The following TLE4 variants were observed in gnomAD, a reference collection of about 807,000 sequenced individuals.
The protein encoded by TLE4 is transducin-like enhancer protein 4.
TLE4 carries 8 observed loss-of-function variants against 92.8 expected under a neutral mutation model. The observed-to-expected ratio is 0.09, with a 90% confidence interval of 0.05 to 0.16. The LOEUF (loss-of-function observed/expected upper bound fraction) is 0.16. Among genes scored for constraint, TLE4 ranks in the 10% least tolerant of loss-of-function variants. The pLI is 1.00. For synonymous variants in TLE4, 371 were observed against 374.1 expected, an observed-to-expected ratio of 0.99 and a Z score of 0.10; for missense variants, 675 against 997.6, an observed-to-expected ratio of 0.68 and a Z score of 4.36.
chr9:79,607,537 G>C (rs757823519), intron 4 of TLE4, among the ~76,000 whole-genome samples: 3 of 152,032 alleles, frequency 2.0e-5, no homozygotes, highest in Non-Finnish European at 4.4e-5. Context: ...TCCATCTTGA[G>C]TTAATTTTTA....
At chr9:79,661,091 T>C (rs1312049803) in intron 8 of TLE4, among the ~76,000 whole-genome samples, 7 of 152,230 alleles carry the variant, frequency 4.6e-5, no homozygotes, top group Non-Finnish European at 7.3e-5. Flanking sequence ...ATAACGTTTA[T>C]AGTTAACATT....
intron 8 of TLE4, among the ~76,000 whole-genome samples, chr9:79,670,074 G>A (rs2062024944): frequency 6.6e-6 from 1 of 152,062 alleles, no homozygotes; most frequent in Non-Finnish European, 1.5e-5. Context: ...TAAGTAGTTG[G>A]TAGTTCTTCC....
chr9:79,662,007 G>T (rs1454157936), intron 8 of TLE4, among the ~76,000 whole-genome samples: 1 of 152,076 alleles, frequency 6.6e-6, no homozygotes, highest in South Asian at 2.1e-4. Context: ...ATCCGCTCAC[G>T]TGCGGTCCAC....
chr9:79,680,930 T>C (rs2064414895), intron 8 of TLE4, among the ~76,000 whole-genome samples: 1 of 152,200 alleles, frequency 6.6e-6, no homozygotes, highest in Non-Finnish European at 1.5e-5. Context: ...GGATTACATT[T>C]ATTGATTTGC....
At chr9:79,680,904 G>A (rs1480117016) in intron 8 of TLE4, among the ~76,000 whole-genome samples, 1 of 152,090 alleles carries the variant, frequency 6.6e-6, no homozygotes, top group African/African-American at 2.4e-5. Context: ...TTTGTCTGTG[G>A]TTTTGTTTAT....
intron 4 of TLE4, chr9:79,576,595 GA>G (rs2037856260): frequency 6.5e-6 from 1 of 152,714 alleles, no homozygotes; most frequent in Non-Finnish European, 1.5e-5. Flanking sequence ...AGAATGGATA[GA>G]GGGTGAGCTG....
intron 4 of TLE4, among the ~76,000 whole-genome samples, chr9:79,591,819 G>A (rs2042592005): frequency 6.6e-6 from 1 of 152,182 alleles, no homozygotes; most frequent in Non-Finnish European, 1.5e-5. Context: ...TACTTTAGAA[G>A]GGGAGAACTT....
intron 14 of TLE4, among the ~76,000 whole-genome samples, chr9:79,713,851 TTTG>T (rs146268539): frequency 0.65 from 97,200 of 150,210 alleles, 31,735 homozygotes; most frequent in East Asian, 0.8. Flanking sequence ...ATTGTTGTTG[TTTG>T]TTGTTGTTGT....
intron 14 of TLE4, among the ~76,000 whole-genome samples, chr9:79,716,189 T>A (rs767686821): frequency 6.6e-6 from 1 of 152,196 alleles, no homozygotes; most frequent in African/African-American, 2.4e-5. Context: ...GTCCCTTCAC[T>A]CTTATATCCT....
intron 8 of TLE4, among the ~76,000 whole-genome samples, chr9:79,699,101 A>T (rs968661072): frequency 6.6e-6 from 1 of 152,162 alleles, no homozygotes; most frequent in Non-Finnish European, 1.5e-5. Flanking sequence ...AGTAGTTCCA[A>T]AAAAACAGAA....
At chr9:79,710,608 C>T (rs2073025548) in intron 14 of TLE4, among the ~76,000 whole-genome samples, 1 of 152,156 alleles carries the variant, frequency 6.6e-6, no homozygotes, top group African/African-American at 2.4e-5. Context: ...GGTAGCTTGC[C>T]TGCCTTGAGG....
At chr9:79,702,753 G>T (rs2070315033) in intron 8 of TLE4, among the ~76,000 whole-genome samples, 1 of 152,150 alleles carries the variant, frequency 6.6e-6, no homozygotes, top group Non-Finnish European at 1.5e-5. Flanking sequence ...CGCCCAGTGG[G>T]CACCCACTCA....
chr9:79,583,969 A>G (rs1483548863), intron 4 of TLE4, among the ~76,000 whole-genome samples: 1 of 152,164 alleles, frequency 6.6e-6, no homozygotes, highest in Admixed American at 6.5e-5. Flanking sequence ...CCTTTAATAG[A>G]TAACACTGAG....
At chr9:79,712,261 G>A (rs1014469539) in intron 14 of TLE4, among the ~76,000 whole-genome samples, 6 of 152,162 alleles carry the variant, frequency 3.9e-5, no homozygotes, top group Non-Finnish European at 8.8e-5. Context: ...AGTGACCCAA[G>A]AAGATGGGTC....
At chr9:79,629,600 C>CTTGGATATAG (rs1444441870) in intron 6 of TLE4, among the ~76,000 whole-genome samples, 3 of 152,154 alleles carry the variant, frequency 2.0e-5, no homozygotes, top group Non-Finnish European at 4.4e-5. Flanking sequence ...GCGGCATATA[C>CTTGGATATAG]TTGGATATAG....
intron 8 of TLE4, among the ~76,000 whole-genome samples, chr9:79,690,094 T>A (rs1317247878): frequency 6.6e-6 from 1 of 152,188 alleles, no homozygotes; most frequent in Admixed American, 6.5e-5. Flanking sequence ...ATTTTAAGAC[T>A]CCTTTTGGGG....
At chr9:79,660,657 G>T (rs909630058) in intron 8 of TLE4, among the ~76,000 whole-genome samples, 1 of 152,204 alleles carries the variant, frequency 6.6e-6, no homozygotes, top group Non-Finnish European at 1.5e-5. Flanking sequence ...AATCTATGAT[G>T]CAGTAATTTG....
At chr9:79,706,724 C>T in intron 10 of TLE4, 23 bp from the exon 11 acceptor site, 7 of 1,606,118 alleles carry the variant, frequency 4.4e-6, no homozygotes, top group Non-Finnish European at 5.9e-6. Context: ...GCTTGCATTA[C>T]TGTCCACGAT....
chr9:79,678,583 AC>A (rs1326121493), intron 8 of TLE4, among the ~76,000 whole-genome samples: 1 of 150,738 alleles, frequency 6.6e-6, no homozygotes, highest in African/African-American at 2.4e-5. Context: ...TTTCAGTGGC[AC>A]TCTAGTTTAA....
Sources: gnomAD v4.1 joint callset for allele counts (sites outside exome capture counted in the v4.1 genomes callset) on GRCh38, gnomAD v4.1.1 for gene constraint, MANE v1.5 for transcripts, NCBI Gene and HGNC (gene_info 2026-07-23, HGNC 2026-07-21) for gene names.